The following TET3 variants were observed in gnomAD, a reference collection of about 807,000 sequenced individuals.
TET3 encodes the protein tet methylcytosine dioxygenase 3, also known as methylcytosine dioxygenase TET3.
Under a neutral mutation model 141.4 loss-of-function variants are expected in TET3, and 19 were observed. The observed-to-expected ratio is 0.13, with a 90% CI of 0.09 to 0.20. The LOEUF is 0.20. Ranked by LOEUF, TET3 falls within the 10% of genes least tolerant of loss-of-function variation. The probability of loss-of-function intolerance (pLI) is 1.00; values close to 1 mark genes in which losing one functional copy is unlikely to be tolerated. For missense variants in TET3, 1,874 were observed against 2,356.9 expected (o/e 0.80, Z 4.24); for synonymous variants, 1,043 against 980.9 (o/e 1.06, Z -1.18).
chr2:74,124,105 G>A, the TET3 span, among the ~76,000 whole-genome samples: 2 of 150,470 alleles, frequency 1.3e-5, no homozygotes, highest in African/African-American at 2.5e-5. Flanking sequence ...CCGCCCAGCA[G>A]CTGCCCGGTC....
At chr2:73,998,748 G>A (rs1011813923) in intron 2 of TET3, among the ~76,000 whole-genome samples, 5 of 152,178 alleles carry the variant, frequency 3.3e-5, no homozygotes, top group African/African-American at 4.8e-5. Context: ...AAATTGATGC[G>A]TGGACACCGG....
In TET3 at chr2:74,046,975, G is replaced by C; in HGVS notation, c.1058G>C (p.Ser353Thr). The C allele has an allele frequency of 6.2e-7, 1 of 1,613,958 alleles. No individual in the cohort carries two copies. Among genetic ancestry groups the C allele is most frequent in the Non-Finnish European group, 8.5e-7 (1 of 1,179,858 alleles). ...AGCATTGCCAAGGAAAAAAACATCA[G>C]CTTGCAGACCGCCATTGCCATTGAG... ...ALSIAKEKNI[S>T]LQTAIAIEAL... Residue 353 changes from serine (S) to threonine (T), a missense_variant, in exon 4 of 12, where the codon AGC becomes ACC. Physicochemically the swap from Ser to Thr is moderately conservative, Grantham distance 58. This residue lies in a region of TET3 where 366 missense variants were observed against 487.0 expected (regional missense o/e 0.75). Transcript: ENST00000409262. This position sits in a 1 kb window ranked among gnomAD's most constrained non-coding sequence, Gnocchi z 4.3.
intron 6 of TET3, among the ~76,000 whole-genome samples, chr2:74,081,426 A>G (rs1478444172): frequency 1.3e-5 from 2 of 152,232 alleles, no homozygotes; most frequent in Non-Finnish European, 1.5e-5. Context: ...GACATATGAA[A>G]TAAAGTCATG....
At chr2:74,129,116 C>T in the TET3 span, among the ~76,000 whole-genome samples, 1 of 150,132 alleles carries the variant, frequency 6.7e-6, no homozygotes, top group African/African-American at 2.5e-5. Flanking sequence ...TTAAGAACAG[C>T]CTGACCAACA....
chr2:74,017,445 G>A (rs1685790666), intron 3 of TET3, among the ~76,000 whole-genome samples: 2 of 152,112 alleles, frequency 1.3e-5, no homozygotes, highest in East Asian at 3.8e-4. Flanking sequence ...CTGTTTCTAT[G>A]AGATCAACTT....
At chr2:74,053,837 C>T (rs1688075448) in intron 4 of TET3, among the ~76,000 whole-genome samples, 1 of 151,390 alleles carries the variant, frequency 6.6e-6, no homozygotes, top group African/African-American at 2.4e-5. Flanking sequence ...ATCACACAAA[C>T]CCCCCACCCC....
chr2:74,124,370 C>T, the TET3 span, among the ~76,000 whole-genome samples: 7 of 151,806 alleles, frequency 4.6e-5, no homozygotes, highest in South Asian at 1.0e-3. Context: ...CGCCTCTGCC[C>T]GGCCACTGCC....
At chr2:73,993,017 T>C (rs910427804) in intron 2 of TET3, among the ~76,000 whole-genome samples, 2 of 152,208 alleles carry the variant, frequency 1.3e-5, no homozygotes, top group African/African-American at 4.8e-5. Flanking sequence ...GCCACTGATA[T>C]GACTGCCCTG....
In TET3 at chr2:74,092,931, C is replaced by T. The variant is rs1286322690; in HGVS notation, c.3069C>T (p.Asp1023=). The T allele has an allele frequency of 1.9e-6, 3 of 1,591,814 alleles. No individual in the cohort carries two copies. The highest frequency in any genetic ancestry group is 2.6e-6 in the Non-Finnish European group (3 of 1,169,440). The change falls in exon 9 of 12, where the codon GAC becomes GAT. Residue 1023 remains aspartate, a synonymous_variant. Coordinates refer to ENST00000409262, the MANE Select transcript of TET3 (RefSeq NM_001287491.2). ...AAGTGCTCCGGAAGAGTTTCCAGGA[C>T]CTGGCCACCGAAGTCGCTCCCCTGT... The part of the protein sequence containing the change: ...EEEVLRKSFQ[D]LATEVAPLYK...
rs764395317 is a variant in TET3 at position 74,089,920 on chromosome 2, A to C, written c.2912A>C (p.Lys971Thr). The change falls in exon 8 of 12, where the codon AAA becomes ACA. Residue 971 changes from lysine (K) to threonine (T), a missense_variant. Around this residue, in one of 10 missense-constraint regions of TET3, gnomAD observed 126 missense variants for 327.4 expected, o/e 0.38. Transcript: ENST00000409262. Reference sequence around the variant, plus strand: ...AGCCGGACCTGCGCTTGCCAAGGCAAAGACCCCAACACCTGTGGTGCCTCC... The same window carrying C: ...AGCCGGACCTGCGCTTGCCAAGGCACAGACCCCAACACCTGTGGTGCCTCC... The part of the protein sequence containing the change: ...NDDRTCACQG[K>T]DPNTCGASFS... 1.9e-6 allele frequency: 3 copies of C among 1,613,928 alleles called. No homozygotes were observed. Among genetic ancestry groups the C allele is most frequent in the Non-Finnish European group, 2.5e-6 (3 of 1,179,900 alleles).
Position 74,104,779 on chromosome 2 carries a change from G to A in TET3, c.*2603G>A, listed in dbSNP as rs1691410525. 1.1e-5 allele frequency: 2 copies of A among 174,106 alleles called. No homozygotes were observed. Among genetic ancestry groups the A allele is most frequent in the South Asian group, 2.0e-4 (1 of 5,058 alleles). The allele number at this position is 174,106 out of a possible 1,614,324, so 10.8% of individuals were successfully genotyped here. A position where few individuals can be genotyped will look rare whatever the true frequency, so the allele number is the denominator to read the frequency against. On this transcript the variant is annotated 3_prime_UTR_variant, in exon 12 of 12. Coordinates refer to ENST00000409262, the MANE Select transcript of TET3 (RefSeq NM_001287491.2). ...AAACCAATACAAGCTAAAAGCATGC[G>A]ACGTCTGTCCCCCAGCCCAAACAGC...
intron 3 of TET3, among the ~76,000 whole-genome samples, chr2:74,010,146 G>A (rs1163253943): frequency 6.6e-6 from 1 of 152,258 alleles, no homozygotes; most frequent in Non-Finnish European, 1.5e-5. Flanking sequence ...GGGTTGTGTG[G>A]TTGGAGCGGC....
the TET3 span, among the ~76,000 whole-genome samples, chr2:74,130,121 T>A: frequency 1.3e-5 from 2 of 151,458 alleles, no homozygotes; most frequent in Non-Finnish European, 2.9e-5. Flanking sequence ...AAGTTGGCTT[T>A]AGTATAGACA....
intron 2 of TET3, among the ~76,000 whole-genome samples, chr2:73,990,735 G>A (rs893542773): frequency 6.6e-6 from 1 of 152,184 alleles, no homozygotes; most frequent in Non-Finnish European, 1.5e-5. Context: ...TGCCAGATTT[G>A]AGTCAAGATA....
intron 4 of TET3, among the ~76,000 whole-genome samples, chr2:74,061,470 G>GC (rs1688556231): frequency 7.1e-6 from 1 of 140,892 alleles, no homozygotes; most frequent in African/African-American, 2.9e-5. Context: ...GCGGGGGACT[G>GC]ACCCCCCCAC....
the TET3 span, chr2:74,134,657 G>C: frequency 7.0e-5 from 32 of 456,366 alleles, 1 homozygote; most frequent in South Asian, 4.8e-4. Context: ...AAATAATTTA[G>C]TGAAAGTCTG....
At chr2:74,060,976 C>G (rs1386299963) in intron 4 of TET3, among the ~76,000 whole-genome samples, 1 of 152,224 alleles carries the variant, frequency 6.6e-6, no homozygotes, top group Non-Finnish European at 1.5e-5. Flanking sequence ...TCCCCCCTTT[C>G]TATTCCACAA....
chr2:74,122,657 G>T, the TET3 span, among the ~76,000 whole-genome samples: 1 of 142,880 alleles, frequency 7.0e-6, no homozygotes, highest in Non-Finnish European at 1.5e-5. Context: ...GGGACTAAAG[G>T]CATGTGCCAC....
At chr2:74,090,108 T>G in intron 8 of TET3, 61 bp downstream of exon 8, 1 of 1,596,226 alleles carries the variant, frequency 6.3e-7, no homozygotes, top group Non-Finnish European at 8.6e-7. Flanking sequence ...TCCTTCATGG[T>G]CCAGCGGGAG....
Sources: gnomAD v4.1 joint callset for allele counts (sites outside exome capture counted in the v4.1 genomes callset) on GRCh38, gnomAD v4.1.1 for gene constraint, gnomAD v4.1.1 regional missense constraint, Gnocchi (gnomAD v3.1) non-coding constraint, MANE v1.5 for transcripts, NCBI Gene and HGNC (gene_info 2026-07-23, HGNC 2026-07-21) for gene names.